TNRC6A: variants seen among roughly 807,000 people sequenced by gnomAD.
The protein encoded by TNRC6A is trinucleotide repeat containing adaptor 6A.
Under a neutral mutation model 221.2 loss-of-function variants are expected in TNRC6A, and 44 were observed. That is an observed-to-expected ratio of 0.20 (90% CI 0.16 to 0.26). The LOEUF (loss-of-function observed/expected upper bound fraction) is 0.26. Ranked by LOEUF, TNRC6A falls within the 10% of genes least tolerant of loss-of-function variation. The pLI, the probability that TNRC6A is intolerant of heterozygous loss-of-function variation, is 1.00. For synonymous variants in TNRC6A, 847 were observed against 838.5 expected, an observed-to-expected ratio of 1.01 and a Z score of -0.18; for missense variants, 2,199 against 2,404.4, an observed-to-expected ratio of 0.91 and a Z score of 1.79.
At chr16:24,695,301 G>T (rs2055835182) in intron 2 of TNRC6A, among the ~76,000 whole-genome samples, 1 of 152,146 alleles carries the variant, frequency 6.6e-6, no homozygotes, top group Admixed American at 6.6e-5. Flanking sequence ...AAGTTATGAT[G>T]TCTACCTGTG....
intron 2 of TNRC6A, among the ~76,000 whole-genome samples, chr16:24,749,600 G>A (rs1281190948): frequency 6.6e-6 from 1 of 152,122 alleles, no homozygotes; most frequent in South Asian, 2.1e-4. Flanking sequence ...CCACCAGAAA[G>A]GATGGTGCCT....
intron 2 of TNRC6A, among the ~76,000 whole-genome samples, chr16:24,659,559 C>T (rs1466620242): frequency 6.6e-6 from 1 of 151,972 alleles, no homozygotes; most frequent in Non-Finnish European, 1.5e-5. Flanking sequence ...CCTCCTCCTT[C>T]AGCCTCCCAA....
At chr16:24,730,127 C>G in intron 1 of TNRC6A, 126 bp from the exon 2 acceptor site, 5 of 813,388 alleles carry the variant, frequency 6.1e-6, no homozygotes, top group Non-Finnish European at 8.8e-6. Flanking sequence ...TCCCCCTCCC[C>G]CCGTCCTCTC....
intron 2 of TNRC6A, among the ~76,000 whole-genome samples, chr16:24,747,605 G>A (rs2057040741): frequency 2.0e-5 from 3 of 152,154 alleles, no homozygotes; most frequent in Admixed American, 6.5e-5. Flanking sequence ...TTTAACTCCT[G>A]GAAGCTGACG....
chr16:24,808,722 A>C (rs1408541841), intron 17 of TNRC6A, among the ~76,000 whole-genome samples: 1 of 152,248 alleles, frequency 6.6e-6, no homozygotes, highest in African/African-American at 2.4e-5. Context: ...GAACTTTAGA[A>C]TAAGAACCTC....
At chr16:24,728,729 T>C (rs1322677812), upstream of TNRC6A, among the ~76,000 whole-genome samples, 1 of 152,228 alleles carries the variant, frequency 6.6e-6, no homozygotes, top group African/African-American at 2.4e-5. Context: ...TACATGTAGG[T>C]ATGTATGTAT....
rs936581590 is a variant in TNRC6A, at chr16:24,776,950, C to T, written c.181C>T (p.Pro61Ser). The T allele has an allele frequency of 1.9e-6, 3 of 1,613,428 alleles. No individual in the cohort carries two copies. Among genetic ancestry groups the T allele is most frequent in the African/African-American group, 1.3e-5 (1 of 74,868 alleles). The change falls in exon 5 of 25, where the codon CCC (proline) becomes TCC (serine). Residue 61 changes from proline (P) to serine (S), a missense_variant. By Grantham distance (74) the Pro-to-Ser change is moderately conservative. Around this residue, in one of 8 missense-constraint regions of TNRC6A, gnomAD observed 1,405 missense variants for 1,400.2 expected, o/e 1.00. Coordinates refer to ENST00000395799, the MANE Select transcript of TNRC6A (RefSeq NM_014494.4). ...QKIKVPEQIK[P>S]SVSQPQPANS... ...GGGATTAGTGCCAGAACAGATAAAG[C>T]CCAGTGTAAGCCAGCCTCAGCCTGC...
chr16:24,709,265 A>G (rs1401150331), intron 2 of TNRC6A, among the ~76,000 whole-genome samples: 2 of 151,948 alleles, frequency 1.3e-5, no homozygotes, highest in Non-Finnish European at 2.9e-5. Context: ...CTCAAAAAAA[A>G]AAAAATGTTT....
intron 12 of TNRC6A, 142 bp from the exon 13 acceptor site, chr16:24,804,563 A>G (rs1346274821): frequency 4.5e-6 from 6 of 1,318,936 alleles, no homozygotes; most frequent in Non-Finnish European, 6.2e-6. Flanking sequence ...TAGAATTAAC[A>G]CTAATCCGAT....
intron 2 of TNRC6A, among the ~76,000 whole-genome samples, chr16:24,715,897 A>G (rs1056492023): frequency 6.6e-6 from 1 of 152,072 alleles, no homozygotes; most frequent in Admixed American, 6.6e-5. Flanking sequence ...CCGGGATTAC[A>G]GGCATGAGCC....
At chr16:24,776,688 G>A (rs924303765) in intron 4 of TNRC6A, 1 of 985,330 alleles carries the variant, frequency 1.0e-6, no homozygotes, top group Admixed American at 6.1e-5. Context: ...GTGAACATGA[G>A]TTGTTGTCTT....
At position 24,790,008 on chromosome 16, in the gene TNRC6A, A is replaced by G; in HGVS notation, c.1366A>G (p.Thr456Ala). The G allele has an allele frequency of 6.2e-7, 1 of 1,614,212 alleles. No homozygotes were observed. Among genetic ancestry groups the G allele is most frequent in the South Asian group, 1.1e-5 (1 of 91,086 alleles). The change falls in exon 6 of 25, where the codon ACT (threonine) becomes GCT (alanine). Residue 456 changes from threonine to alanine, a missense_variant. Thr to Ala is a moderately conservative substitution (Grantham distance 58, BLOSUM62 0). This residue lies in a region of TNRC6A where 1,405 missense variants were observed against 1,400.2 expected (regional missense o/e 1.00). Transcript: ENST00000395799. ...ITTEMTGPNNTTNFMTSSLPN... is the reference protein window; with the variant it reads ...ITTEMTGPNNATNFMTSSLPN... ...CACTGAAATGACTGGACCAAATAAC[A>G]CTACTAACTTTATGACCTCTAGTTT...
chr16:24,704,605 C>G (rs183178536), intron 2 of TNRC6A, among the ~76,000 whole-genome samples: 4 of 124,108 alleles, frequency 3.2e-5, no homozygotes, highest in East Asian at 2.4e-4. Context: ...GTGGAGGTTA[C>G]AGTGAGCCAA....
intron 2 of TNRC6A, among the ~76,000 whole-genome samples, chr16:24,648,483 G>C (rs1016698859): frequency 1.3e-5 from 2 of 151,878 alleles, no homozygotes; most frequent in East Asian, 1.9e-4. Flanking sequence ...TGTTAGCCAG[G>C]ATGGTCTCGA....
At chr16:24,811,091 A>G (rs1428500385) in intron 18 of TNRC6A, among the ~76,000 whole-genome samples, 1 of 152,154 alleles carries the variant, frequency 6.6e-6, no homozygotes, top group Non-Finnish European at 1.5e-5. Flanking sequence ...GCCTAGGTGT[A>G]AGGCATGCAG....
chr16:24,625,755 A>AG (rs1264299889), intron 1 of TNRC6A, among the ~76,000 whole-genome samples: 1 of 145,224 alleles, frequency 6.9e-6, no homozygotes, highest in East Asian at 2.0e-4. Context: ...AAAAAAAAAA[A>AG]AAAAAAATTA....
chr16:24,724,511 C>T (rs1474574909), intron 2 of TNRC6A, among the ~76,000 whole-genome samples: 1 of 152,012 alleles, frequency 6.6e-6, no homozygotes, highest in South Asian at 2.1e-4. Context: ...TTTGGGAGGC[C>T]GAGGCAGGCG....
Position 24,730,233 on chromosome 16 carries a change from TTTTTG to T in TNRC6A, c.6-15_6-11del, listed in dbSNP as rs2056597224. 1 of 1,597,940 alleles carries T rather than the reference TTTTTG, an allele frequency of 6.3e-7. No homozygotes were observed. Among genetic ancestry groups the T allele is most frequent in the South Asian group, 1.1e-5 (1 of 89,720 alleles). On this transcript the variant is annotated splice_polypyrimidine_tract_variant and intron_variant, in intron 1 of 24. Coordinates refer to ENST00000395799, the MANE Select transcript of TNRC6A (RefSeq NM_014494.4). ...TGTGTGTGTTTTTGTTTTGTTTTTG[TTTTTG>T]TTTTTTTGTTTCAGAGAATTGGAAG...
rs572612547 is a variant in TNRC6A, at chr16:24,709,932, T to A, written n.403-40794T>A. ...CATGAACAAAGGTATAAATTTTTTT[T>A]AAATTTGTAAATATGCTGGGCGCAG... On this transcript the variant is annotated intron_variant and non_coding_transcript_variant, in intron 2 of 2. Transcript: ENST00000566108. Among the ~76,000 whole-genome samples, 41 of 152,250 alleles carry A rather than the reference T, an allele frequency of 2.7e-4. No individual in the cohort carries two copies. The East Asian group carries it at 2.9e-3, about 11-fold the overall frequency.
Sources: gnomAD v4.1 joint callset for allele counts (sites outside exome capture counted in the v4.1 genomes callset) on GRCh38, gnomAD v4.1.1 for gene constraint, gnomAD v4.1.1 regional missense constraint, MANE v1.5 for transcripts, NCBI Gene and HGNC (gene_info 2026-07-23, HGNC 2026-07-21) for gene names.